CHCHD6: variants seen among roughly 807,000 people sequenced by gnomAD.
The protein encoded by CHCHD6 is coiled-coil-helix-coiled-coil-helix domain containing 6, also known as MICOS complex subunit MIC25.
In CHCHD6, 28 loss-of-function variants were observed where a neutral mutation model predicts 32.3. That is an observed-to-expected ratio of 0.87 (90% CI 0.64 to 1.19). The LOEUF is 1.19. CHCHD6 is among the 50% of genes most tolerant of loss of function. The probability of loss-of-function intolerance (pLI) is 0.00; values close to 1 mark genes in which losing one functional copy is unlikely to be tolerated. For synonymous variants in CHCHD6, 122 were observed against 117.5 expected (o/e 1.04, Z -0.25); for missense variants, 333 against 307.0 (o/e 1.08, Z -0.63).
chr3:126,790,582 A>C (rs1046082496), intron 4 of CHCHD6, among the ~76,000 whole-genome samples: 1 of 152,032 alleles, frequency 6.6e-6, no homozygotes, highest in Admixed American at 6.6e-5. Context: ...TTGATCTTCA[A>C]TCATTGATAC....
At chr3:126,834,079 G>GAAAT (rs1940758783) in intron 4 of CHCHD6, among the ~76,000 whole-genome samples, 1 of 112,028 alleles carries the variant, frequency 8.9e-6, no homozygotes, top group African/African-American at 3.8e-5. Context: ...AAAAAAAAAA[G>GAAAT]AATTACCAAT....
At chr3:126,798,431 C>T (rs1233519519) in intron 4 of CHCHD6, among the ~76,000 whole-genome samples, 1 of 152,186 alleles carries the variant, frequency 6.6e-6, no homozygotes, top group East Asian at 1.9e-4. Context: ...TGTCAGCCCA[C>T]CTCCCTTGCT....
chr3:126,743,253 G>A (rs1326564299), intron 4 of CHCHD6, among the ~76,000 whole-genome samples: 2 of 152,186 alleles, frequency 1.3e-5, no homozygotes, highest in Non-Finnish European at 2.9e-5. Flanking sequence ...CAGGAGATGT[G>A]CATGTGTATT....
chr3:126,769,289 C>G (rs1319176808), intron 4 of CHCHD6, among the ~76,000 whole-genome samples: 2 of 152,060 alleles, frequency 1.3e-5, no homozygotes, highest in African/African-American at 4.8e-5. Context: ...GAGTCTTTTC[C>G]TCATTGCTGG....
At chr3:126,715,854 A>G (rs956713355) in intron 1 of CHCHD6, among the ~76,000 whole-genome samples, 1 of 151,996 alleles carries the variant, frequency 6.6e-6, no homozygotes, top group Non-Finnish European at 1.5e-5. Context: ...ATACAAGTGC[A>G]CTCTTTCCTT....
At chr3:126,708,442 T>G (rs1934602712) in intron 1 of CHCHD6, among the ~76,000 whole-genome samples, 1 of 152,154 alleles carries the variant, frequency 6.6e-6, no homozygotes, top group Admixed American at 6.5e-5. Flanking sequence ...CATGTTATTC[T>G]GGAGGCCACG....
At chr3:126,775,372 C>G (rs73201783) in intron 4 of CHCHD6, among the ~76,000 whole-genome samples, 1 of 151,996 alleles carries the variant, frequency 6.6e-6, no homozygotes, top group African/African-American at 2.4e-5. Flanking sequence ...TATTTATGGG[C>G]CTGATTTTTC....
At chr3:126,957,854 C>T in intron 7 of CHCHD6, 1 of 484,418 alleles carries the variant, frequency 2.1e-6, no homozygotes, top group Non-Finnish European at 3.8e-6. Flanking sequence ...GGGCCGGGCC[C>T]CTTGTGGGTG....
At chr3:126,778,118 C>T (rs1281507452) in intron 4 of CHCHD6, among the ~76,000 whole-genome samples, 5 of 152,226 alleles carry the variant, frequency 3.3e-5, no homozygotes, top group Admixed American at 3.3e-4. Context: ...TTTCCTTCTA[C>T]CACCAATATT....
chr3:126,900,637 T>A (rs1409250858), intron 5 of CHCHD6, among the ~76,000 whole-genome samples: 1 of 134,356 alleles, frequency 7.4e-6, no homozygotes, highest in Non-Finnish European at 1.5e-5. Context: ...GGAGTTTCGC[T>A]CTTGTTGCCC....
intron 4 of CHCHD6, among the ~76,000 whole-genome samples, chr3:126,755,837 C>CGTGTGTGTGT (rs1559825161): frequency 7.8e-6 from 1 of 128,764 alleles, no homozygotes; most frequent in African/African-American, 3.3e-5. Flanking sequence ...TCTGTGTGTG[C>CGTGTGTGTGT]ATGTGTGTGT....
rs376189380 is a variant in CHCHD6 at position 126,748,498 on chromosome 3, G to C, written c.411+15276G>C. Among the ~76,000 whole-genome samples the C allele has an allele frequency of 3.4e-4, 52 of 151,524 alleles. 1 individual carries two copies. The East Asian group carries it at 5.7e-3, about 17-fold the overall frequency. ...TAATCTCAGCCACTTGGGAGGTTGAGATAGGAGACTTGCTTGAACCCGGGA... is the reference window on the plus strand; with the variant it reads ...TAATCTCAGCCACTTGGGAGGTTGACATAGGAGACTTGCTTGAACCCGGGA... On this transcript the variant is annotated intron_variant, in intron 4 of 7. Coordinates refer to ENST00000290913, the MANE Select transcript of CHCHD6 (RefSeq NM_032343.3).
chr3:126,718,418 T>C (rs1163663382), intron 1 of CHCHD6, among the ~76,000 whole-genome samples: 2 of 152,228 alleles, frequency 1.3e-5, no homozygotes, highest in Non-Finnish European at 2.9e-5. Context: ...GTACCATTAA[T>C]TCTTTCCATT....
At chr3:126,898,321 A>G (rs916259484) in intron 5 of CHCHD6, among the ~76,000 whole-genome samples, 1 of 152,222 alleles carries the variant, frequency 6.6e-6, no homozygotes, top group Non-Finnish European at 1.5e-5. Context: ...CTGGGAAGTC[A>G]TCAGGAATAG....
At position 126,960,223 on chromosome 3, in the gene CHCHD6, C is replaced by G; in HGVS notation, c.*22C>G. The G allele has an allele frequency of 6.4e-7, 1 of 1,551,406 alleles. No individual in the cohort carries two copies. The highest frequency in any genetic ancestry group is 8.7e-7 in the Non-Finnish European group (1 of 1,146,872). Reference sequence around the variant, plus strand: ...CTGAGGAGCAGACATCATTCCCTGCCCTGGCAGTGACTTGGAGCCCTGAAG... The same window carrying G: ...CTGAGGAGCAGACATCATTCCCTGCGCTGGCAGTGACTTGGAGCCCTGAAG... On this transcript the variant is annotated 3_prime_UTR_variant, in exon 8 of 8. Coordinates refer to ENST00000290913, the MANE Select transcript of CHCHD6 (RefSeq NM_032343.3).
intron 4 of CHCHD6, among the ~76,000 whole-genome samples, chr3:126,738,636 G>T (rs1936159714): frequency 6.6e-6 from 1 of 152,152 alleles, no homozygotes; most frequent in South Asian, 2.1e-4. Flanking sequence ...TGAGGGTTTG[G>T]ATGTGTTACT....
intron 4 of CHCHD6, among the ~76,000 whole-genome samples, chr3:126,816,168 G>A (rs533241618): frequency 7.2e-5 from 11 of 152,066 alleles, no homozygotes; most frequent in African/African-American, 2.2e-4. Context: ...GGACCTCCCC[G>A]AGGTCCAAGA....
intron 4 of CHCHD6, among the ~76,000 whole-genome samples, chr3:126,772,119 T>G (rs1043937236): frequency 6.6e-6 from 1 of 152,202 alleles, no homozygotes; most frequent in Non-Finnish European, 1.5e-5. Context: ...TTTGTTTTTT[T>G]GAGATAGAGT....
intron 6 of CHCHD6, among the ~76,000 whole-genome samples, chr3:126,947,031 C>T (rs1159923337): frequency 6.6e-6 from 1 of 152,242 alleles, no homozygotes; most frequent in Non-Finnish European, 1.5e-5. Context: ...CACGTGTGAG[C>T]AGGCGCTGGG....
Sources: gnomAD v4.1 joint callset for allele counts (sites outside exome capture counted in the v4.1 genomes callset) on GRCh38, gnomAD v4.1.1 for gene constraint, MANE v1.5 for transcripts, NCBI Gene and HGNC (gene_info 2026-07-23, HGNC 2026-07-21) for gene names.